Variants in OPCML observed in about 807,000 individuals in gnomAD.
OPCML encodes opioid-binding protein/cell adhesion molecule.
A neutral mutation model predicts 37.8 loss-of-function variants in OPCML; 13 were observed. That is an observed-to-expected ratio of 0.34 (90% CI 0.22 to 0.55). The LOEUF is 0.55. OPCML is among the 20% of genes least tolerant of loss of function. The pLI is 0.91. For synonymous variants in OPCML, 176 were observed against 168.8 expected (o/e 1.04, Z -0.33); for missense variants, 341 against 435.6 (o/e 0.78, Z 1.93).
At chr11:133,131,815 T>C (rs1287570380) in intron 1 of OPCML, among the ~76,000 whole-genome samples, 1 of 152,210 alleles carries the variant, frequency 6.6e-6, no homozygotes, top group Non-Finnish European at 1.5e-5. Flanking sequence ...TTTGTCTTTA[T>C]ATGGACAACT....
At chr11:133,257,900 G>A (rs1187140884) in intron 1 of OPCML, among the ~76,000 whole-genome samples, 1 of 150,246 alleles carries the variant, frequency 6.7e-6, no homozygotes, top group Admixed American at 6.6e-5. Flanking sequence ...TGAACACCTT[G>A]GAGCCAACTT....
intron 1 of OPCML, among the ~76,000 whole-genome samples, chr11:133,359,158 T>C (rs1944359022): frequency 6.6e-6 from 1 of 152,210 alleles, no homozygotes; most frequent in African/African-American, 2.4e-5. Context: ...TGCTATTCCC[T>C]ATAAAATAAA....
chr11:133,018,232 A>G (rs2136894648), intron 1 of OPCML, among the ~76,000 whole-genome samples: 1 of 152,354 alleles, frequency 6.6e-6, no homozygotes, highest in African/African-American at 2.4e-5. Flanking sequence ...TCTGGAGCAA[A>G]GAAATTGGCC....
At chr11:133,241,681 T>C (rs1427987167) in intron 1 of OPCML, among the ~76,000 whole-genome samples, 1 of 152,208 alleles carries the variant, frequency 6.6e-6, no homozygotes, top group Non-Finnish European at 1.5e-5. Flanking sequence ...TCCCTCCTAA[T>C]GTAAGGATTC....
chr11:132,585,159 T>C (rs919175275), intron 3 of OPCML, among the ~76,000 whole-genome samples: 9 of 152,192 alleles, frequency 5.9e-5, no homozygotes, highest in Admixed American at 5.2e-4. Flanking sequence ...CCTCTCAATT[T>C]TGAGAGGTTG....
At chr11:132,569,252 G>T (rs556529377) in intron 3 of OPCML, among the ~76,000 whole-genome samples, 2 of 152,322 alleles carry the variant, frequency 1.3e-5, no homozygotes, top group South Asian at 4.1e-4. Context: ...AATATGCTCC[G>T]TGTCCTCATA....
At chr11:133,233,139 C>A (rs1261700963) in intron 1 of OPCML, among the ~76,000 whole-genome samples, 3 of 152,148 alleles carry the variant, frequency 2.0e-5, no homozygotes, top group Admixed American at 6.5e-5. Context: ...CAACAGCAAC[C>A]TTTGTGAAAA....
At chr11:133,462,194 G>A (rs1475183245) in intron 1 of OPCML, among the ~76,000 whole-genome samples, 2 of 151,926 alleles carry the variant, frequency 1.3e-5, no homozygotes, top group South Asian at 4.2e-4. Flanking sequence ...AATCAACTCA[G>A]TATGGACCAA....
chr11:133,141,549 C>T (rs188276964), intron 1 of OPCML, among the ~76,000 whole-genome samples: 5 of 152,222 alleles, frequency 3.3e-5, no homozygotes, highest in African/African-American at 9.6e-5. Context: ...CTACAGATGA[C>T]GGCAGTTCAT....
chr11:133,109,056 C>A (rs1411987733), intron 1 of OPCML, among the ~76,000 whole-genome samples: 1 of 152,104 alleles, frequency 6.6e-6, no homozygotes, highest in Non-Finnish European at 1.5e-5. Context: ...GGTTTCCTGG[C>A]CGCTCTTTCT....
intron 1 of OPCML, among the ~76,000 whole-genome samples, chr11:133,241,386 C>T (rs1384554620): frequency 1.3e-5 from 2 of 152,218 alleles, no homozygotes; most frequent in Non-Finnish European, 2.9e-5. Flanking sequence ...TAAGATCCTT[C>T]ACACAGCTAG....
chr11:133,082,424 C>T (rs1320862459), intron 1 of OPCML, among the ~76,000 whole-genome samples: 2 of 116,418 alleles, frequency 1.7e-5, no homozygotes, highest in African/African-American at 6.6e-5. Flanking sequence ...TCCCTATCCT[C>T]CCCCCTCCCC....
chr11:133,101,959 A>T (rs1318545339), intron 1 of OPCML, among the ~76,000 whole-genome samples: 1 of 152,204 alleles, frequency 6.6e-6, no homozygotes, highest in Non-Finnish European at 1.5e-5. Context: ...GAACGAAGCC[A>T]ATCTGTAAAA....
chr11:132,488,662 A>T (rs2096207239), intron 4 of OPCML, among the ~76,000 whole-genome samples: 1 of 152,112 alleles, frequency 6.6e-6, no homozygotes, highest in Admixed American at 6.6e-5. Context: ...TTTTGTTTAA[A>T]TTTTTTCTTT....
intron 1 of OPCML, among the ~76,000 whole-genome samples, chr11:133,468,197 A>G (rs7932920): frequency 0.13 from 20,137 of 152,160 alleles, 3,189 homozygotes; most frequent in African/African-American, 0.38. Flanking sequence ...GGTTTCCAGG[A>G]TGCTTGCTGC....
At chr11:132,723,270 T>A (rs909032935) in intron 2 of OPCML, among the ~76,000 whole-genome samples, 50 of 152,356 alleles carry the variant, frequency 3.3e-4, no homozygotes, top group African/African-American at 1.2e-3. Flanking sequence ...CTCAATAGTA[T>A]TTTTAAGCAT....
At chr11:133,501,838 C>G (rs769212312) in intron 1 of OPCML, among the ~76,000 whole-genome samples, 5 of 152,150 alleles carry the variant, frequency 3.3e-5, no homozygotes, top group African/African-American at 4.8e-5. Flanking sequence ...CCTCACCAGT[C>G]CGGGCTCCTC....
Position 133,388,403 on chromosome 11 carries a change from T to C in OPCML, c.61+143861A>G, listed in dbSNP as rs118041646. ...GGGCCTCTACTCTTGTTTCTAACCT[T>C]TGGGATGTGTCAGGGGAAGGAGGGC... On this transcript the variant is annotated intron_variant, in intron 1 of 7. Coordinates refer to ENST00000524381, the MANE Select transcript of OPCML (RefSeq NM_001012393.5). Among the ~76,000 whole-genome samples the C allele has an allele frequency of 8.8e-4, 134 of 152,178 alleles. 3 individuals carry two copies. The East Asian group carries it at 0.024, about 27-fold the overall frequency.
chr11:133,477,459 G>A (rs1461971165), intron 1 of OPCML, among the ~76,000 whole-genome samples: 2 of 152,152 alleles, frequency 1.3e-5, no homozygotes, highest in Non-Finnish European at 2.9e-5. Flanking sequence ...GGCAGTGGGT[G>A]GAAAATGCAC....
Sources: allele counts gnomAD v4.1 joint callset (sites outside exome capture counted in the v4.1 genomes callset), GRCh38; gene constraint gnomAD v4.1.1; transcripts MANE v1.5; gene names NCBI Gene and HGNC (gene_info 2026-07-23, HGNC 2026-07-21).